Variants in HOMER2 observed in about 807,000 individuals in gnomAD.
HOMER2 encodes the protein homer protein homolog 2.
In HOMER2, 27 loss-of-function variants were observed where a neutral mutation model predicts 47.0. That is an observed-to-expected ratio of 0.57 (90% CI 0.42 to 0.79). The LOEUF is 0.79. Among genes scored for constraint, HOMER2 ranks in the 30% least tolerant of loss-of-function variants. The pLI, the probability that HOMER2 is intolerant of heterozygous loss-of-function variation, is 0.00. For missense variants in HOMER2, 443 were observed against 435.0 expected (o/e 1.02, Z -0.16); for synonymous variants, 161 against 163.8 (o/e 0.98, Z 0.13).
Position 82,852,272 on chromosome 15 carries a change from G to A in HOMER2, c.652-20C>T. Reference sequence around the variant, plus strand: ...ATCAATCTTCAATACACACCACACAGGAAAGCAGGGACGCCAGCTTAACAT... The same window carrying A: ...ATCAATCTTCAATACACACCACACAAGAAAGCAGGGACGCCAGCTTAACAT... On this transcript the variant is annotated intron_variant, in intron 6 of 8. Coordinates refer to ENST00000450735, the MANE Select transcript of HOMER2 (RefSeq NM_004839.4). The A allele has an allele frequency of 1.9e-6, 3 of 1,548,766 alleles. No homozygotes were observed. Among genetic ancestry groups the A allele is most frequent in the Non-Finnish European group, 2.7e-6 (3 of 1,121,576 alleles).
chr15:82,936,798 A>ATCTGCCTGCCTCTGCCTC (rs1303686699), intron 1 of HOMER2, among the ~76,000 whole-genome samples: 1 of 151,092 alleles, frequency 6.6e-6, no homozygotes, highest in African/African-American at 2.4e-5. Flanking sequence ...AGCTCAAGTG[A>ATCTGCCTGCCTCTGCCTC]TCTGCCTGCC....
In HOMER2 at chr15:82,937,894, G is replaced by A. The variant is rs759487688; in HGVS notation, c.5+14637C>T. On this transcript the variant is annotated intron_variant, in intron 1 of 8. Coordinates refer to ENST00000450735, the MANE Select transcript of HOMER2 (RefSeq NM_004839.4). ...CATGTTGGCACACCATCTACCAGTG[G>A]CCACTGGCAGCTTTACAAAGTCACA... Among the ~76,000 whole-genome samples, 28 of 152,162 alleles carry A rather than the reference G, an allele frequency of 1.8e-4. 1 individual carries two copies. Among genetic ancestry groups the A allele is most frequent in the Non-Finnish European group, 4.0e-4 (27 of 68,028 alleles).
chr15:82,926,791 T>C (rs575577801), intron 1 of HOMER2, among the ~76,000 whole-genome samples: 13 of 152,296 alleles, frequency 8.5e-5, no homozygotes, highest in East Asian at 1.9e-4. Flanking sequence ...ATGGGGAGGA[T>C]TGATGCCATT....
At chr15:82,919,102 A>G (rs1441415309) in intron 1 of HOMER2, among the ~76,000 whole-genome samples, 1 of 152,154 alleles carries the variant, frequency 6.6e-6, no homozygotes, top group Non-Finnish European at 1.5e-5. Context: ...TGTTTTGTCC[A>G]TTTGCCTAGG....
chr15:82,840,215 T>C (rs992414635), exon 2 of HOMER2: 3 of 151,842 alleles, frequency 2.0e-5, no homozygotes, highest in African/African-American at 7.3e-5. Context: ...CTTAAGAAGG[T>C]GGGAAAATAA....
chr15:82,842,991 A>T (rs921576219), exon 2 of HOMER2: 3 of 150,838 alleles, frequency 2.0e-5, no homozygotes, highest in Admixed American at 2.0e-4. Context: ...AAATGCCTGG[A>T]CTCAAGTGAT....
chr15:82,852,121 G>C (rs1287357552), intron 7 of HOMER2, 21 bp downstream of exon 7: 13 of 1,577,814 alleles, frequency 8.2e-6, no homozygotes, highest in South Asian at 1.1e-5. Flanking sequence ...AAGGGGCCCT[G>C]CTCGGAGCAC....
intron 1 of HOMER2, among the ~76,000 whole-genome samples, chr15:82,893,954 T>A (rs1210327652): frequency 4.6e-5 from 7 of 152,202 alleles, no homozygotes; most frequent in Non-Finnish European, 7.3e-5. Context: ...GGTAATATGA[T>A]AGAATTATTT....
At chr15:82,915,586 G>A (rs553976790) in intron 1 of HOMER2, among the ~76,000 whole-genome samples, 76 of 152,280 alleles carry the variant, frequency 5.0e-4, no homozygotes, top group African/African-American at 1.8e-3. Context: ...GGTGGCACGT[G>A]CCTGTAGTCC....
intron 1 of HOMER2, among the ~76,000 whole-genome samples, chr15:82,963,427 T>C (rs1274446655): frequency 6.6e-6 from 1 of 151,540 alleles, no homozygotes; most frequent in Non-Finnish European, 1.5e-5. Flanking sequence ...CCTTGTGGAG[T>C]CCCCAGTCAG....
At chr15:82,945,040 C>G (rs76849503) in intron 1 of HOMER2, among the ~76,000 whole-genome samples, 1,636 of 152,164 alleles carry the variant, frequency 0.011, 8 homozygotes, top group Non-Finnish European at 0.016. Context: ...CCAACCTTAG[C>G]AACAACGATG....
chr15:82,896,772 T>A (rs2052936288), intron 1 of HOMER2, among the ~76,000 whole-genome samples: 1 of 152,214 alleles, frequency 6.6e-6, no homozygotes, highest in African/African-American at 2.4e-5. Context: ...GCTCTGGGAT[T>A]TCACATGAAT....
At chr15:82,882,685 G>A (rs2052562218) in intron 2 of HOMER2, among the ~76,000 whole-genome samples, 1 of 152,180 alleles carries the variant, frequency 6.6e-6, no homozygotes, top group Non-Finnish European at 1.5e-5. Context: ...CCCTCCCCAG[G>A]TAGAGCGTGA....
chr15:82,854,541 G>T, intron 6 of HOMER2, 103 bp downstream of exon 6: 1 of 1,271,870 alleles, frequency 7.9e-7, no homozygotes, highest in Non-Finnish European at 1.1e-6. Flanking sequence ...TGGCCATGGG[G>T]ATAAGGGCAA....
intron 3 of HOMER2, among the ~76,000 whole-genome samples, chr15:82,864,677 C>T (rs563253109): frequency 1.3e-5 from 2 of 152,160 alleles, no homozygotes; most frequent in African/African-American, 4.8e-5. Context: ...ACTTCAAAAA[C>T]AATAAAAGAG....
At chr15:82,924,276 T>C (rs1990630186) in intron 1 of HOMER2, among the ~76,000 whole-genome samples, 1 of 152,026 alleles carries the variant, frequency 6.6e-6, no homozygotes, top group Non-Finnish European at 1.5e-5. Flanking sequence ...TTATTCTCCC[T>C]TTGGAAAAGG....
chr15:82,940,438 A>G (rs2054237013), intron 1 of HOMER2, among the ~76,000 whole-genome samples: 1 of 152,186 alleles, frequency 6.6e-6, no homozygotes, highest in Admixed American at 6.5e-5. Flanking sequence ...ATCTCTACAA[A>G]ACATAAAAAA....
intron 2 of HOMER2, among the ~76,000 whole-genome samples, chr15:82,877,448 C>T (rs1305722374): frequency 6.6e-6 from 1 of 152,136 alleles, no homozygotes; most frequent in Non-Finnish European, 1.5e-5. Context: ...GGATTACAGT[C>T]GTGAACCACC....
At chr15:82,862,070 C>CT (rs57065775) in intron 4 of HOMER2, among the ~76,000 whole-genome samples, 1,566 of 145,984 alleles carry the variant, frequency 0.011, 5 homozygotes, top group East Asian at 0.024. Flanking sequence ...CTTTCTCTCT[C>CT]TTTTTTTTTT....
Sources: allele counts gnomAD v4.1 joint callset (sites outside exome capture counted in the v4.1 genomes callset), GRCh38; gene constraint gnomAD v4.1.1; transcripts MANE v1.5; gene names NCBI Gene and HGNC (gene_info 2026-07-23, HGNC 2026-07-21).